Variants in NTAN1 observed in about 807,000 individuals in gnomAD.
NTAN1 encodes the protein N-terminal asparagine amidase.
In NTAN1, 32 loss-of-function variants were observed where a neutral mutation model predicts 41.9. The ratio of observed to expected loss-of-function variants is 0.76; its 90% CI spans 0.58 to 1.03. The LOEUF (loss-of-function observed/expected upper bound fraction) is 1.03. Ranked by LOEUF, NTAN1 falls within the 50% of genes least tolerant of loss-of-function variation. The pLI, the probability that NTAN1 is intolerant of heterozygous loss-of-function variation, is 0.00. For missense variants in NTAN1, 377 were observed against 377.5 expected, an observed-to-expected ratio of 1.00 and a Z score of 0.01; for synonymous variants, 140 against 139.5, an observed-to-expected ratio of 1.00 and a Z score of -0.03.
intron 8 of NTAN1, among the ~76,000 whole-genome samples, 196 bp from the exon 9 acceptor site, chr16:15,038,883 C>T (rs753118475): frequency 7.2e-5 from 11 of 152,144 alleles, no homozygotes; most frequent in Non-Finnish European, 1.5e-4. Context: ...GGGGCACGCA[C>T]GACTGCTGAG....
chr16:15,046,606 G>C (rs2044074535), intron 4 of NTAN1, among the ~76,000 whole-genome samples: 1 of 146,610 alleles, frequency 6.8e-6, no homozygotes, highest in African/African-American at 2.5e-5. Flanking sequence ...CAATCTGCTG[G>C]AATTTAAAAC....
In NTAN1 at chr16:15,049,943, T is replaced by G. The variant is rs544601247; in HGVS notation, c.82-1844A>C. Among the ~76,000 whole-genome samples, 60 of 152,336 alleles carry G rather than the reference T, an allele frequency of 3.9e-4. No homozygotes were observed. The South Asian group carries it at 0.012, about 31-fold the overall frequency. On this transcript the variant is annotated intron_variant, in intron 1 of 9. Coordinates refer to ENST00000287706, the MANE Select transcript of NTAN1 (RefSeq NM_173474.4). ...CCATAATACAACAATGATTAAATGC[T>G]TATACCCATAGAGAAAAATACTGGA...
At chr16:15,045,927 C>T (rs777915296) in intron 4 of NTAN1, 1 of 152,226 alleles carries the variant, frequency 6.6e-6, no homozygotes, top group Non-Finnish European at 1.5e-5. Flanking sequence ...TCATAATAAA[C>T]TCCAAGTAGT....
chr16:15,038,522 G>A (rs1434830510), intron 9 of NTAN1, 52 bp downstream of exon 9: 1 of 1,022,202 alleles, frequency 9.8e-7, no homozygotes, highest in East Asian at 2.4e-5. Context: ...TCTTACAGAT[G>A]GGGAAACCAG....
intron 1 of NTAN1, among the ~76,000 whole-genome samples, chr16:15,051,342 C>G (rs2044282508): frequency 6.6e-6 from 1 of 152,234 alleles, no homozygotes; most frequent in Non-Finnish European, 1.5e-5. Flanking sequence ...AAACAGTAGA[C>G]TGCTTTGCTC....
At chr16:15,043,255 C>T (rs575053478) in intron 5 of NTAN1, among the ~76,000 whole-genome samples, 14 of 150,944 alleles carry the variant, frequency 9.3e-5, no homozygotes, top group Admixed American at 3.3e-4. Context: ...AGGCTGGTGT[C>T]GAACTCCTGA....
intron 5 of NTAN1, among the ~76,000 whole-genome samples, chr16:15,042,502 TC>T (rs1486806239): frequency 1.3e-5 from 2 of 152,132 alleles, no homozygotes; most frequent in African/African-American, 4.8e-5. Context: ...CAATTTTATA[TC>T]CTGATTTGCT....
intron 1 of NTAN1, among the ~76,000 whole-genome samples, chr16:15,051,086 A>G (rs2044273887): frequency 6.6e-6 from 1 of 152,284 alleles, no homozygotes; most frequent in East Asian, 1.9e-4. Context: ...TTCCCTCTTG[A>G]TTACTCCTGA....
chr16:15,046,036 G>A (rs184134530), intron 4 of NTAN1: 57 of 152,384 alleles, frequency 3.7e-4, no homozygotes, highest in African/African-American at 1.3e-3. Flanking sequence ...AGATCAGGAA[G>A]AGCTGACAAG....
chr16:15,052,980 A>G lies in NTAN1; in HGVS notation c.81+2911T>C, dbSNP rs2044356764. 3.3e-5 allele frequency among the ~76,000 whole-genome samples: 5 copies of G among 152,320 alleles called. No individual in the cohort carries two copies. The South Asian group carries it at 1.0e-3, about 32-fold the overall frequency. ...AAGAGTGACTAAGGGAGGGCTCTAA[A>G]CAGCTCTGGCCAAAGGAACTTCATG... On this transcript the variant is annotated intron_variant, in intron 1 of 9. Transcript: ENST00000287706.
chr16:15,054,664 T>TCA (rs769588752), intron 1 of NTAN1, among the ~76,000 whole-genome samples: 1 of 152,178 alleles, frequency 6.6e-6, no homozygotes, highest in Non-Finnish European at 1.5e-5. Flanking sequence ...TAAGTCCTTG[T>TCA]CACCCTTCAG....
chr16:15,044,308 G>A (rs747922051), intron 5 of NTAN1, 26 bp downstream of exon 5: 19 of 1,544,006 alleles, frequency 1.2e-5, no homozygotes, highest in Middle Eastern at 1.8e-4. Flanking sequence ...TCCAATTTGG[G>A]GGAAAGAAAA....
Position 15,056,037 on chromosome 16 carries a change from C to A in NTAN1, c.-66G>T, listed in dbSNP as rs1274458612. The A allele has an allele frequency of 4.4e-6, 3 of 677,034 alleles. No homozygotes were observed. In the East Asian group the frequency reaches 2.2e-4, roughly 50 times the overall value. 41.9% of individuals were successfully genotyped at this position (677,034 alleles called of 1,614,324 possible). On this transcript the variant is annotated 5_prime_UTR_variant, in exon 1 of 10. Coordinates refer to ENST00000287706, the MANE Select transcript of NTAN1 (RefSeq NM_173474.4). ...CCCCCCGCTTTGCAGCCCCGGGCCG[C>A]CCGCCGCCCCCGCCCCTCGGGCCGC...
intron 1 of NTAN1, chr16:15,055,594 A>C (rs1665312173): frequency 2.9e-5 from 8 of 275,564 alleles, no homozygotes; most frequent in South Asian, 1.7e-4. Flanking sequence ...CCGTCGGGGA[A>C]TGGGGGTCCC....
intron 5 of NTAN1, 94 bp downstream of exon 5, chr16:15,044,240 C>G (rs1169992709): frequency 6.1e-6 from 5 of 818,942 alleles, no homozygotes; most frequent in Non-Finnish European, 6.1e-6. Context: ...GTGTGCCCTT[C>G]TTGGGTTTTG....
At chr16:15,050,752 T>G (rs2044262361) in intron 1 of NTAN1, among the ~76,000 whole-genome samples, 2 of 152,070 alleles carry the variant, frequency 1.3e-5, no homozygotes, top group South Asian at 4.1e-4. Flanking sequence ...AAATTAAGAT[T>G]AAACTAAAAG....
chr16:15,047,443 T>C lies in NTAN1; in HGVS notation c.358A>G (p.Arg120Gly), dbSNP rs1055516709. 3 of 1,585,658 alleles carry C rather than the reference T, an allele frequency of 1.9e-6. No homozygotes were observed. Among genetic ancestry groups the C allele is most frequent in the South Asian group, 2.2e-5 (2 of 90,486 alleles). Residue 120 changes from arginine to glycine, a missense_variant and splice_region_variant, in exon 4 of 10, where the codon AGG becomes GGG. Physicochemically the swap from Arg to Gly is moderately radical, Grantham distance 125 (BLOSUM62 -2). Transcript: ENST00000287706. ...KSFSDHAQCGRLEVHLVGGFS... is the reference protein window; with the variant it reads ...KSFSDHAQCGGLEVHLVGGFS... ...CTATGAGAGCAGCGTAGATCTCACC[T>C]TCCACATTGAGCGTGGTCAGAAAAG... is the stretch of plus-strand genomic sequence containing the variant.
At chr16:15,051,548 T>G (rs1476578724) in intron 1 of NTAN1, among the ~76,000 whole-genome samples, 1 of 152,030 alleles carries the variant, frequency 6.6e-6, no homozygotes, top group East Asian at 1.9e-4. Flanking sequence ...GGTCTCCCTG[T>G]GTTGCCCAGG....
intron 1 of NTAN1, among the ~76,000 whole-genome samples, chr16:15,049,675 C>T (rs1191467116): frequency 6.6e-6 from 1 of 152,138 alleles, no homozygotes; most frequent in Non-Finnish European, 1.5e-5. Context: ...ATCCACCTGC[C>T]TTGGCCTCCC....
Sources: gnomAD v4.1 joint callset for allele counts (sites outside exome capture counted in the v4.1 genomes callset) on GRCh38, gnomAD v4.1.1 for gene constraint, MANE v1.5 for transcripts, NCBI Gene and HGNC (gene_info 2026-07-23, HGNC 2026-07-21) for gene names.